MAP2K1: variants seen among roughly 807,000 people sequenced by gnomAD.
MAP2K1 encodes mitogen-activated protein kinase kinase 1.
Under a neutral mutation model 46.3 loss-of-function variants are expected in MAP2K1, and 16 were observed. That is an observed-to-expected ratio of 0.35 (90% CI 0.23 to 0.52). The LOEUF (loss-of-function observed/expected upper bound fraction) is 0.52, where lower values mean the gene tolerates loss of function less well. Ranked by LOEUF, MAP2K1 falls within the 20% of genes least tolerant of loss-of-function variation. MAP2K1 has a pLI of 0.94. For missense variants in MAP2K1, 263 were observed against 497.1 expected, an observed-to-expected ratio of 0.53 and a Z score of 4.48; for synonymous variants, 183 against 185.6, an observed-to-expected ratio of 0.99 and a Z score of 0.11.
intron 2 of MAP2K1, 114 bp downstream of exon 2, chr15:66,435,351 AT>A (rs71139499): frequency 2.3e-4 from 141 of 613,014 alleles, no homozygotes; most frequent in African/African-American, 4.1e-4. Context: ...TGCTGTTTGA[AT>A]TTTTTTTTTT....
At chr15:66,459,617 CAA>C (rs11404258) in intron 5 of MAP2K1, among the ~76,000 whole-genome samples, 2 of 143,202 alleles carry the variant, frequency 1.4e-5, no homozygotes, top group Admixed American at 7.0e-5. Flanking sequence ...GACACCATCT[CAA>C]AAAAAAAAAA....
intron 5 of MAP2K1, among the ~76,000 whole-genome samples, chr15:66,465,736 C>A (rs1356464947): frequency 6.6e-6 from 1 of 152,212 alleles, no homozygotes; most frequent in Middle Eastern, 3.4e-3. Context: ...GTTTTTGAAA[C>A]GTATTTTTTC....
intron 1 of MAP2K1, among the ~76,000 whole-genome samples, chr15:66,400,728 T>A (rs2093379538): frequency 6.6e-6 from 1 of 152,172 alleles, no homozygotes; most frequent in Non-Finnish European, 1.5e-5. Context: ...ATAGCAGGTG[T>A]TTTCTGAATC....
intron 5 of MAP2K1, among the ~76,000 whole-genome samples, chr15:66,445,158 G>A (rs904589709): frequency 4.7e-5 from 2 of 42,868 alleles, no homozygotes; most frequent in African/African-American, 9.3e-5. Flanking sequence ...GGGGGGAGGT[G>A]GGGGGGTGGA....
chr15:66,401,046 T>A (rs2093380532), intron 1 of MAP2K1, among the ~76,000 whole-genome samples: 1 of 152,246 alleles, frequency 6.6e-6, no homozygotes, highest in Admixed American at 6.5e-5. Flanking sequence ...CGAGATCAGT[T>A]GATTTTTTCC....
At chr15:66,466,840 C>T (rs1016769210) in intron 5 of MAP2K1, among the ~76,000 whole-genome samples, 1 of 152,116 alleles carries the variant, frequency 6.6e-6, no homozygotes, top group Non-Finnish European at 1.5e-5. Context: ...TCCTGTTCTG[C>T]TTGATATTCA....
At chr15:66,458,971 C>T (rs1337272504) in intron 5 of MAP2K1, among the ~76,000 whole-genome samples, 3 of 152,054 alleles carry the variant, frequency 2.0e-5, no homozygotes, top group Non-Finnish European at 4.4e-5. Flanking sequence ...TATGTAAAAA[C>T]GGGGCTCTCA....
chr15:66,458,404 C>G (rs952772193), intron 5 of MAP2K1, among the ~76,000 whole-genome samples: 1 of 152,184 alleles, frequency 6.6e-6, no homozygotes, highest in Non-Finnish European at 1.5e-5. Flanking sequence ...TAAATGTTAA[C>G]AACAGTTTTA....
At chr15:66,445,445 T>G (rs551245440) in intron 5 of MAP2K1, among the ~76,000 whole-genome samples, 1 of 152,284 alleles carries the variant, frequency 6.6e-6, no homozygotes, top group South Asian at 2.1e-4. Flanking sequence ...AGAAACTGAT[T>G]TATTTTAATA....
In MAP2K1 at chr15:66,463,643, C is replaced by T. The variant is rs548267275; in HGVS notation, c.569-18112C>T. Reference sequence around the variant, plus strand: ...GATTACAGGCGCCTGCCACTACGCCCGGCTAATTTTTTGTATTTTTAGTAG... The same window carrying T: ...GATTACAGGCGCCTGCCACTACGCCTGGCTAATTTTTTGTATTTTTAGTAG... On this transcript the variant is annotated intron_variant, in intron 5 of 10. Transcript: ENST00000307102. 5.2e-4 allele frequency among the ~76,000 whole-genome samples: 79 copies of T among 152,322 alleles called. 1 individual carries two copies. The highest frequency in any genetic ancestry group is 3.1e-3 in the South Asian group (15 of 4,822).
chr15:66,397,493 A>G (rs773770200), intron 1 of MAP2K1, among the ~76,000 whole-genome samples: 4 of 152,204 alleles, frequency 2.6e-5, no homozygotes, highest in Non-Finnish European at 4.4e-5. Context: ...AAAGCACTTT[A>G]TGATCACTGG....
At chr15:66,405,066 CATTCATTATCTTGA>C (rs2093393051) in intron 1 of MAP2K1, among the ~76,000 whole-genome samples, 1 of 152,172 alleles carries the variant, frequency 6.6e-6, no homozygotes, top group African/African-American at 2.4e-5. Flanking sequence ...CATCTCTTTG[CATTCATTATCTTGA>C]ATTTGCACTA....
chr15:66,454,179 T>G (rs1892106627), intron 5 of MAP2K1, among the ~76,000 whole-genome samples: 1 of 152,220 alleles, frequency 6.6e-6, no homozygotes, highest in Non-Finnish European at 1.5e-5. Flanking sequence ...TTATGTCAAG[T>G]TTGTTCATGT....
At chr15:66,408,793 C>T (rs1447394264) in intron 1 of MAP2K1, among the ~76,000 whole-genome samples, 4 of 152,086 alleles carry the variant, frequency 2.6e-5, no homozygotes, top group African/African-American at 9.7e-5. Context: ...CTTCATCTTA[C>T]GTCAAAGCTC....
At chr15:66,426,522 A>G (rs2093459481) in intron 1 of MAP2K1, among the ~76,000 whole-genome samples, 1 of 152,240 alleles carries the variant, frequency 6.6e-6, no homozygotes, top group Admixed American at 6.5e-5. Flanking sequence ...TGGCAAACTA[A>G]GTCACCTGAG....
intron 1 of MAP2K1, among the ~76,000 whole-genome samples, chr15:66,430,514 C>T (rs1218973067): frequency 2.6e-5 from 4 of 152,108 alleles, no homozygotes; most frequent in Admixed American, 2.6e-4. Context: ...ACCCCCCTAC[C>T]TCCTCCTGTC....
chr15:66,402,637 G>A (rs779936965), intron 1 of MAP2K1, among the ~76,000 whole-genome samples: 25 of 151,946 alleles, frequency 1.6e-4, no homozygotes, highest in African/African-American at 5.6e-4. Context: ...TTTCAAATAC[G>A]TAACATTTTG....
At chr15:66,475,576 T>G (rs1595882011) in intron 5 of MAP2K1, among the ~76,000 whole-genome samples, 1 of 152,318 alleles carries the variant, frequency 6.6e-6, no homozygotes, top group East Asian at 1.9e-4. Context: ...ATTCAGCTGC[T>G]TTTAATATTA....
chr15:66,421,850 A>G (rs2093444358), intron 1 of MAP2K1, among the ~76,000 whole-genome samples: 1 of 149,232 alleles, frequency 6.7e-6, no homozygotes, highest in South Asian at 2.1e-4. Context: ...ACCATTGTTC[A>G]CAGATTAGCC....
Sources: gnomAD v4.1 joint callset for allele counts (sites outside exome capture counted in the v4.1 genomes callset) on GRCh38, gnomAD v4.1.1 for gene constraint, MANE v1.5 for transcripts, NCBI Gene and HGNC (gene_info 2026-07-23, HGNC 2026-07-21) for gene names.